Variants in PTCHD1 observed in about 807,000 individuals in gnomAD.
PTCHD1 encodes the protein patched domain-containing protein 1.
A neutral mutation model predicts 34.6 loss-of-function variants in PTCHD1; 3 were observed. The ratio of observed to expected loss-of-function variants is 0.09; its 90% CI spans 0.04 to 0.22. The LOEUF (loss-of-function observed/expected upper bound fraction) is 0.22, where lower values mean the gene tolerates loss of function less well. PTCHD1 is among the 10% of genes least tolerant of loss of function. The pLI, the probability that PTCHD1 is intolerant of heterozygous loss-of-function variation, is 1.00. For synonymous variants in PTCHD1, 305 were observed against 283.1 expected, an observed-to-expected ratio of 1.08 and a Z score of -0.77; for missense variants, 504 against 685.5, an observed-to-expected ratio of 0.74 and a Z score of 2.96.
intron 2 of PTCHD1, among the ~76,000 whole-genome samples, chrX:23,386,066 T>C (rs1419843340): frequency 9.0e-6 from 1 of 111,183 alleles, no homozygotes; most frequent in Non-Finnish European, 1.9e-5. Context: ...TATGTAAATA[T>C]ATAAAATATA....
intron 1 of PTCHD1, 74 bp downstream of exon 1, chrX:23,335,300 C>G (rs1235778044): frequency 1.5e-5 from 13 of 840,967 alleles, no homozygotes; most frequent in Non-Finnish European, 2.1e-5. Context: ...GCTGGGGTCC[C>G]GGCTGAGAGC....
intron 1 of PTCHD1, among the ~76,000 whole-genome samples, chrX:23,375,125 A>G (rs188526165): frequency 9.0e-6 from 1 of 111,551 alleles, no homozygotes; most frequent in East Asian, 2.8e-4. Flanking sequence ...CCCCTTCGTT[A>G]CCTGTTAATA....
intron 2 of PTCHD1, among the ~76,000 whole-genome samples, chrX:23,386,554 T>G (rs1433364368): frequency 8.9e-6 from 1 of 112,138 alleles, no homozygotes; most frequent in African/African-American, 3.2e-5. Context: ...AACTTCTCCC[T>G]GAAAATAGAT....
chrX:23,357,347 A>G (rs1441296758), intron 1 of PTCHD1, among the ~76,000 whole-genome samples: 1 of 112,052 alleles, frequency 8.9e-6, no homozygotes, highest in Admixed American at 9.4e-5. Context: ...ACCAGTACAC[A>G]CCCATCAGAA....
chrX:23,364,371 GACAC>G (rs200572986), intron 1 of PTCHD1, among the ~76,000 whole-genome samples: 17,203 of 91,754 alleles, frequency 0.19, 1,453 homozygotes, highest in African/African-American at 0.27. Flanking sequence ...GAAGAGTGTA[GACAC>G]ACACACACAC....
rs778248339 is a variant in PTCHD1 at position 23,384,042 on chromosome X, A to G, written c.1012+3791A>G. On this transcript the variant is annotated intron_variant, in intron 2 of 2. Transcript: ENST00000379361. Reference sequence around the variant, plus strand: ...GCTCTCCTTACAGGCTTAATGTTTCAACAGCTTTGCTGATCAGATACAAAT... The same window carrying G: ...GCTCTCCTTACAGGCTTAATGTTTCGACAGCTTTGCTGATCAGATACAAAT... Among the ~76,000 whole-genome samples the G allele has an allele frequency of 4.5e-5, 5 of 112,202 alleles. No individual in the cohort carries two copies. In the South Asian group the frequency reaches 1.5e-3, roughly 33 times the overall value.
At chrX:23,373,912 G>C (rs1922335300) in intron 1 of PTCHD1, among the ~76,000 whole-genome samples, 1 of 112,266 alleles carries the variant, frequency 8.9e-6, no homozygotes, top group Admixed American at 9.4e-5. Context: ...AGTTTTGATT[G>C]TGTCACTTGG....
Position 23,394,462 on chromosome X carries a change from CTA to C in PTCHD1, c.*280_*281del. 1 of 182,312 alleles carries C rather than the reference CTA, an allele frequency of 5.5e-6. No homozygotes were observed. The highest frequency in any genetic ancestry group is 9.9e-6 in the Non-Finnish European group (1 of 100,639). 15.0% of individuals were successfully genotyped at this position (182,312 alleles called of 1,213,427 possible). A position where few individuals can be genotyped will look rare whatever the true frequency, so the allele number is the denominator to read the frequency against. On this transcript the variant is annotated 3_prime_UTR_variant, in exon 3 of 3. Transcript: ENST00000379361. ...CACACACACACACACCCTGGGAGAC[CTA>C]TAGTCTCTTAAACTAAGATCAAGTA...
At chrX:23,384,620 GA>G (rs1270870022) in intron 2 of PTCHD1, among the ~76,000 whole-genome samples, 2 of 110,852 alleles carry the variant, frequency 1.8e-5, no homozygotes, top group African/African-American at 3.3e-5. Flanking sequence ...AAAAGGGAAG[GA>G]AAAAAAATTC....
intron 1 of PTCHD1, among the ~76,000 whole-genome samples, chrX:23,351,784 C>A (rs1441703638): frequency 9.0e-6 from 1 of 111,726 alleles, no homozygotes; most frequent in African/African-American, 3.3e-5. Context: ...TGGTTCAGCG[C>A]TAGGATAGAA....
At chrX:23,385,543 G>A (rs1922666978) in intron 2 of PTCHD1, among the ~76,000 whole-genome samples, 1 of 111,516 alleles carries the variant, frequency 9.0e-6, no homozygotes, top group African/African-American at 3.3e-5. Flanking sequence ...TAGACCCTGG[G>A]GAGAAATACC....
chrX:23,387,553 A>G (rs1922714755), intron 2 of PTCHD1, among the ~76,000 whole-genome samples: 1 of 112,192 alleles, frequency 8.9e-6, no homozygotes, highest in African/African-American at 3.2e-5. Context: ...ATTAGATGAC[A>G]ACCCCAAAGT....
At position 23,401,342 on chromosome X, in the gene PTCHD1, A is replaced by T. The variant is rs968801200; in HGVS notation, c.*7157A>T. On this transcript the variant is annotated 3_prime_UTR_variant, in exon 3 of 3. Coordinates refer to ENST00000379361, the MANE Select transcript of PTCHD1 (RefSeq NM_173495.3). ...TAATTTTCTAGGATGAATCTTGAAC[A>T]TGTTTAGCTCAGCCTTTCAGATATT... 1.8e-5 allele frequency: 2 copies of T among 112,288 alleles called. No homozygotes were observed. Among genetic ancestry groups the T allele is most frequent in the African/African-American group, 6.5e-5 (2 of 30,864 alleles). The allele number at this position is 112,288 out of a possible 1,213,427, so 9.3% of individuals were successfully genotyped here.
At chrX:23,342,308 A>ATT (rs1921355695) in intron 1 of PTCHD1, among the ~76,000 whole-genome samples, 1 of 9,698 alleles carries the variant, frequency 1.0e-4, no homozygotes, top group Non-Finnish European at 1.4e-4. Flanking sequence ...ATATATATAT[A>ATT]TATTTTTTTT....
chrX:23,342,928 T>C (rs934592208), intron 1 of PTCHD1, among the ~76,000 whole-genome samples: 5 of 112,192 alleles, frequency 4.5e-5, no homozygotes, highest in Non-Finnish European at 9.4e-5. Context: ...TAGACTCTTA[T>C]GTAATTTGCT....
intron 2 of PTCHD1, among the ~76,000 whole-genome samples, chrX:23,387,821 G>C (rs1430859639): frequency 9.0e-6 from 1 of 111,689 alleles, no homozygotes; most frequent in Non-Finnish European, 1.9e-5. Context: ...AGACATGCAG[G>C]GTAACAAAAA....
intron 1 of PTCHD1, among the ~76,000 whole-genome samples, chrX:23,374,984 A>T (rs1418334912): frequency 8.9e-6 from 1 of 112,144 alleles, no homozygotes; most frequent in African/African-American, 3.2e-5. Flanking sequence ...CTGGAAGCCA[A>T]AACTTTTTCT....
intron 1 of PTCHD1, among the ~76,000 whole-genome samples, chrX:23,359,532 C>T (rs1330221450): frequency 4.5e-5 from 5 of 112,163 alleles, no homozygotes; most frequent in Non-Finnish European, 9.4e-5. Flanking sequence ...TGCTTATCAG[C>T]TTAAGGAGAT....
At chrX:23,356,500 C>G (rs1858019578) in intron 1 of PTCHD1, among the ~76,000 whole-genome samples, 1 of 111,884 alleles carries the variant, frequency 8.9e-6, no homozygotes, top group African/African-American at 3.3e-5. Flanking sequence ...GCAGCCCTTT[C>G]AGAAACAGCC....
Sources: allele counts gnomAD v4.1 joint callset (sites outside exome capture counted in the v4.1 genomes callset), GRCh38; gene constraint gnomAD v4.1.1; transcripts MANE v1.5; gene names NCBI Gene and HGNC (gene_info 2026-07-23, HGNC 2026-07-21).